The following NPR3 variants were observed in gnomAD, a reference collection of about 807,000 sequenced individuals.
NPR3 encodes the protein natriuretic peptide receptor 3.
NPR3 carries 34 observed loss-of-function variants against 54.5 expected under a neutral mutation model. The ratio of observed to expected loss-of-function variants is 0.62; its 90% CI spans 0.47 to 0.83. NPR3 has a LOEUF of 0.83. Ranked by LOEUF, NPR3 falls within the 40% of genes least tolerant of loss-of-function variation. The pLI is 0.00. For missense variants in NPR3, 674 were observed against 720.8 expected (o/e 0.94, Z 0.74); for synonymous variants, 289 against 297.1 (o/e 0.97, Z 0.28).
At chr5:32,704,999 A>G (rs959263626), upstream of NPR3, among the ~76,000 whole-genome samples, 2 of 152,244 alleles carry the variant, frequency 1.3e-5, no homozygotes, top group Admixed American at 1.3e-4. Context: ...AAAACTATGC[A>G]TAGATTTCAA....
intron 1 of NPR3, among the ~76,000 whole-genome samples, chr5:32,693,889 C>G (rs899980135): frequency 1.3e-5 from 2 of 152,210 alleles, no homozygotes; most frequent in Non-Finnish European, 2.9e-5. Context: ...ACACTCCCCG[C>G]AATGCAATCC....
chr5:32,729,826 C>T (rs1396657830), intron 2 of NPR3, among the ~76,000 whole-genome samples: 1 of 152,178 alleles, frequency 6.6e-6, no homozygotes, highest in African/African-American at 2.4e-5. Context: ...TTATATGGGG[C>T]ATGACTGTAC....
chr5:32,697,032 C>A (rs1431870413), intron 1 of NPR3, among the ~76,000 whole-genome samples: 5 of 152,020 alleles, frequency 3.3e-5, no homozygotes, highest in African/African-American at 1.2e-4. Flanking sequence ...TGTTTAATAA[C>A]AGTGGTGACA....
intron 1 of NPR3, among the ~76,000 whole-genome samples, chr5:32,721,147 A>T (rs1738837468): frequency 6.6e-6 from 1 of 152,214 alleles, no homozygotes. Context: ...TGCTTGCTCC[A>T]GTTTGAACTG....
At chr5:32,696,167 T>C (rs188135948) in intron 1 of NPR3, among the ~76,000 whole-genome samples, 9 of 152,276 alleles carry the variant, frequency 5.9e-5, no homozygotes, top group African/African-American at 1.7e-4. Flanking sequence ...TCAGATTTGA[T>C]TTTTGTATAT....
intron 1 of NPR3, among the ~76,000 whole-genome samples, chr5:32,716,120 T>C (rs960068978): frequency 7.9e-5 from 12 of 152,216 alleles, no homozygotes; most frequent in African/African-American, 2.9e-4. Flanking sequence ...GAAATAAAGA[T>C]GCAATCTCCA....
chr5:32,767,448 G>A (rs1741532963), intron 3 of NPR3, among the ~76,000 whole-genome samples: 1 of 152,234 alleles, frequency 6.6e-6, no homozygotes, highest in Non-Finnish European at 1.5e-5. Context: ...TATAGTAGGT[G>A]TTCAATAAAA....
rs3214435 is a variant in NPR3, at chr5:32,789,089, CT to C, written c.*2747del. ...ATGTCATATAGTAAAATAAATAGGG[CT>C]TTAGTTCTTAAGTAATTCTATAGGA... On this transcript the variant is annotated 3_prime_UTR_variant, in exon 8 of 8. Coordinates refer to ENST00000265074, the MANE Select transcript of NPR3 (RefSeq NM_001204375.2). The C allele has an allele frequency of 0.18, 32,766 of 178,372 alleles. 3,641 individuals are homozygous for C. Among genetic ancestry groups the C allele is most frequent in the East Asian group, 0.44 (3,065 of 7,016 alleles). 11.0% of individuals were successfully genotyped at this position (178,372 alleles called of 1,614,324 possible). A position where few individuals can be genotyped will look rare whatever the true frequency, so the allele number is the denominator to read the frequency against.
At chr5:32,756,246 A>C (rs1187446454) in intron 3 of NPR3, among the ~76,000 whole-genome samples, 1 of 152,206 alleles carries the variant, frequency 6.6e-6, no homozygotes, top group Admixed American at 6.5e-5. Flanking sequence ...CAGTTTCTCC[A>C]CATCCTCTCC....
chr5:32,763,656 T>C (rs1741293156), intron 3 of NPR3, among the ~76,000 whole-genome samples: 1 of 152,068 alleles, frequency 6.6e-6, no homozygotes, highest in Non-Finnish European at 1.5e-5. Context: ...ATATTTATAA[T>C]AGCTGCTTTA....
At chr5:32,782,007 T>C (rs1742359372) in intron 5 of NPR3, among the ~76,000 whole-genome samples, 1 of 152,064 alleles carries the variant, frequency 6.6e-6, no homozygotes, top group Admixed American at 6.5e-5. Flanking sequence ...AGAACCTGGG[T>C]GGGAAGGCAC....
At chr5:32,733,066 A>G (rs1739546857) in intron 2 of NPR3, among the ~76,000 whole-genome samples, 1 of 152,128 alleles carries the variant, frequency 6.6e-6, no homozygotes, top group Non-Finnish European at 1.5e-5. Flanking sequence ...GCTGGTCTCG[A>G]ACTCCTGACC....
chr5:32,770,714 AC>A (rs1352450648), intron 3 of NPR3, among the ~76,000 whole-genome samples: 13 of 152,338 alleles, frequency 8.5e-5, no homozygotes, highest in African/African-American at 3.1e-4. Flanking sequence ...GAGATTGGAA[AC>A]TGCATTGTTC....
At chr5:32,732,227 G>A (rs986901944) in intron 2 of NPR3, among the ~76,000 whole-genome samples, 19 of 118,854 alleles carry the variant, frequency 1.6e-4, no homozygotes, top group African/African-American at 5.2e-4. Flanking sequence ...CGGCCTGGGC[G>A]ACAGAGCGAG....
At chr5:32,704,336 G>A (rs911896252) in intron 1 of NPR3, among the ~76,000 whole-genome samples, 1 of 150,878 alleles carries the variant, frequency 6.6e-6, no homozygotes, top group Non-Finnish European at 1.5e-5. Context: ...TTATCATCTG[G>A]TTTTTGGTTC....
chr5:32,767,361 G>C (rs1333431099), intron 3 of NPR3, among the ~76,000 whole-genome samples: 1 of 152,126 alleles, frequency 6.6e-6, no homozygotes, highest in Admixed American at 6.5e-5. Flanking sequence ...CTCTGTCATA[G>C]GATAATAACA....
chr5:32,773,592 A>C (rs940940889), intron 3 of NPR3, among the ~76,000 whole-genome samples: 12 of 152,122 alleles, frequency 7.9e-5, no homozygotes, highest in African/African-American at 2.9e-4. Context: ...CCCTCACTTG[A>C]GAAACATCCC....
At position 32,775,987 on chromosome 5, in the gene NPR3, G is replaced by C. The variant is rs958590559; in HGVS notation, c.1195+1144G>C. ...TATGCTTGGCTAGGAAATTTAAACA[G>C]TACAAAAATGTGCAAATTGAAAGCT... On this transcript the variant is annotated intron_variant, in intron 4 of 7. Coordinates refer to ENST00000265074, the MANE Select transcript of NPR3 (RefSeq NM_001204375.2). Among the ~76,000 whole-genome samples the C allele has an allele frequency of 2.2e-4, 33 of 152,166 alleles. 1 individual carries two copies. The highest frequency in any genetic ancestry group is 2.4e-4 in the Non-Finnish European group (16 of 68,020).
chr5:32,736,155 C>T (rs1739731049), intron 2 of NPR3, among the ~76,000 whole-genome samples: 1 of 147,632 alleles, frequency 6.8e-6, no homozygotes, highest in Non-Finnish European at 1.5e-5. Context: ...TGCTTGAACC[C>T]TGGAGGCAAA....
Sources: gnomAD v4.1 joint callset for allele counts (sites outside exome capture counted in the v4.1 genomes callset) on GRCh38, gnomAD v4.1.1 for gene constraint, MANE v1.5 for transcripts, NCBI Gene and HGNC (gene_info 2026-07-23, HGNC 2026-07-21) for gene names.